NEGR1: variants seen among roughly 807,000 people sequenced by gnomAD.
NEGR1 encodes neuronal growth regulator 1.
A neutral mutation model predicts 40.9 loss-of-function variants in NEGR1; 10 were observed. The ratio of observed to expected loss-of-function variants is 0.24; its 90% CI spans 0.15 to 0.42. The LOEUF (loss-of-function observed/expected upper bound fraction) is 0.42, where lower values mean the gene tolerates loss of function less well. Ranked by LOEUF, NEGR1 falls within the 10% of genes least tolerant of loss-of-function variation. The pLI is 1.00. For synonymous variants in NEGR1, 185 were observed against 166.8 expected (o/e 1.11, Z -0.84); for missense variants, 352 against 438.9 (o/e 0.80, Z 1.77).
intron 6 of NEGR1, among the ~76,000 whole-genome samples, chr1:71,453,378 T>C (rs1646647045): frequency 6.6e-6 from 1 of 152,106 alleles, no homozygotes; most frequent in Non-Finnish European, 1.5e-5. Flanking sequence ...CAATATTAGG[T>C]AAGCTTTGGA....
At chr1:72,120,581 A>T (rs985474774) in intron 1 of NEGR1, among the ~76,000 whole-genome samples, 1 of 151,786 alleles carries the variant, frequency 6.6e-6, no homozygotes, top group Non-Finnish European at 1.5e-5. Context: ...ACATATGTAT[A>T]CATGTGCCAT....
intron 3 of NEGR1, among the ~76,000 whole-genome samples, chr1:71,713,212 G>A (rs373817243): frequency 3.0e-4 from 46 of 152,190 alleles, no homozygotes; most frequent in East Asian, 7.7e-4. Context: ...TATTTTTGTC[G>A]GAAAGATTAT....
chr1:71,578,634 T>G (rs1649035675), intron 6 of NEGR1, among the ~76,000 whole-genome samples: 1 of 152,100 alleles, frequency 6.6e-6, no homozygotes, highest in African/African-American at 2.4e-5. Context: ...CATAAATGTC[T>G]TTGGGGGGCT....
intron 1 of NEGR1, among the ~76,000 whole-genome samples, chr1:72,242,680 G>T (rs1191915176): frequency 6.6e-6 from 1 of 151,612 alleles, no homozygotes; most frequent in Non-Finnish European, 1.5e-5. Context: ...ATGTGCCAGA[G>T]ACTTAGTTCT....
intron 2 of NEGR1, among the ~76,000 whole-genome samples, chr1:71,839,727 A>C (rs932212320): frequency 2.6e-5 from 4 of 152,162 alleles, no homozygotes; most frequent in Admixed American, 2.6e-4. Flanking sequence ...TTTTATTTTA[A>C]CCAGGACATT....
chr1:71,927,851 A>AAAAAAAAAAAAAAAG (rs1557437874), intron 2 of NEGR1, among the ~76,000 whole-genome samples: 4 of 125,314 alleles, frequency 3.2e-5, no homozygotes, highest in African/African-American at 1.3e-4. Flanking sequence ...AAAAAAAAAA[A>AAAAAAAAAAAAAAAG]GCCAGGCAGA....
chr1:72,057,637 A>G (rs925252344), intron 1 of NEGR1, among the ~76,000 whole-genome samples: 2 of 151,462 alleles, frequency 1.3e-5, no homozygotes, highest in Admixed American at 1.3e-4. Flanking sequence ...CACACACTGT[A>G]TTAGTCTGCT....
rs1285590111 is a variant in NEGR1 at position 71,397,324 on chromosome 1, G to C, written c.*10122C>G. 6.5e-6 allele frequency: 1 copy of C among 154,210 alleles called. No homozygotes were observed. The highest frequency in any genetic ancestry group is 2.4e-5 in the African/African-American group (1 of 41,446). 9.6% of individuals were successfully genotyped at this position (154,210 alleles called of 1,614,324 possible). On this transcript the variant is annotated 3_prime_UTR_variant, in exon 7 of 7. Transcript: ENST00000357731. The stretch of plus-strand genomic sequence containing the variant: ...TGTTGTTAAAGGCATTCAGTGTTCT[G>C]TTCTGTTTTGTTTTGTTTTTGAGAC...
At chr1:72,235,603 A>C (rs1010785538) in intron 1 of NEGR1, among the ~76,000 whole-genome samples, 5 of 152,072 alleles carry the variant, frequency 3.3e-5, no homozygotes, top group African/African-American at 1.2e-4. Flanking sequence ...GGAAGGAGGA[A>C]ACATGTTATT....
rs532902912 is a variant in NEGR1, at chr1:71,642,734, T to C, written c.668-31588A>G. On this transcript the variant is annotated intron_variant, in intron 4 of 6. Transcript: ENST00000357731. ...ACTCACTAGAACTAATCAAGTAACA[T>C]GGTCTTTCTTTGGTATTTGGTATCT... Among the ~76,000 whole-genome samples the C allele has an allele frequency of 4.3e-4, 65 of 152,154 alleles. No individual in the cohort carries two copies. In the South Asian group the frequency reaches 0.012, roughly 29 times the overall value.
chr1:72,212,154 A>C (rs1434857550), intron 1 of NEGR1, among the ~76,000 whole-genome samples: 1 of 151,998 alleles, frequency 6.6e-6, no homozygotes, highest in East Asian at 1.9e-4. Context: ...GGATTTAAGT[A>C]AACTAAAAGA....
chr1:72,159,679 C>T (rs1209140038), intron 1 of NEGR1, among the ~76,000 whole-genome samples: 1 of 151,974 alleles, frequency 6.6e-6, no homozygotes, highest in East Asian at 1.9e-4. Flanking sequence ...TGTCTGATAC[C>T]ATATATTTTA....
chr1:71,538,849 G>C (rs774357780), intron 6 of NEGR1, among the ~76,000 whole-genome samples: 1 of 151,710 alleles, frequency 6.6e-6, no homozygotes, highest in Non-Finnish European at 1.5e-5. Flanking sequence ...GCACTGTCCT[G>C]GAAGTCAGAA....
chr1:71,791,191 C>T (rs1308086037), intron 2 of NEGR1, among the ~76,000 whole-genome samples: 2 of 151,932 alleles, frequency 1.3e-5, no homozygotes, highest in East Asian at 3.9e-4. Context: ...GTTGGATTTT[C>T]AGGAATTTTG....
intron 6 of NEGR1, among the ~76,000 whole-genome samples, chr1:71,481,853 C>G (rs1158289741): frequency 1.3e-5 from 2 of 151,818 alleles, no homozygotes; most frequent in Non-Finnish European, 2.9e-5. Flanking sequence ...ACTTTTTAGG[C>G]TAAAGTTACA....
At chr1:71,915,340 C>A (rs1253621781) in intron 2 of NEGR1, among the ~76,000 whole-genome samples, 1 of 151,996 alleles carries the variant, frequency 6.6e-6, no homozygotes, top group Non-Finnish European at 1.5e-5. Flanking sequence ...GAGAAATAAG[C>A]AGCTAATATT....
intron 1 of NEGR1, among the ~76,000 whole-genome samples, chr1:72,192,296 G>T (rs1184426580): frequency 6.6e-6 from 1 of 151,782 alleles, no homozygotes; most frequent in Non-Finnish European, 1.5e-5. Context: ...TCTAAACCAA[G>T]ATTGTAAAAA....
chr1:72,180,931 G>T (rs180767175), intron 1 of NEGR1, among the ~76,000 whole-genome samples: 1 of 152,134 alleles, frequency 6.6e-6, no homozygotes, highest in Admixed American at 6.6e-5. Flanking sequence ...CCTCCTCACA[G>T]CTGTTTCTTT....
intron 6 of NEGR1, among the ~76,000 whole-genome samples, chr1:71,535,970 A>G (rs546661402): frequency 6.6e-6 from 1 of 151,812 alleles, no homozygotes; most frequent in African/African-American, 2.4e-5. Flanking sequence ...TATATAAACA[A>G]CCAAGTGAGA....
Sources: gnomAD v4.1 joint callset for allele counts (sites outside exome capture counted in the v4.1 genomes callset) on GRCh38, gnomAD v4.1.1 for gene constraint, MANE v1.5 for transcripts, NCBI Gene and HGNC (gene_info 2026-07-23, HGNC 2026-07-21) for gene names.